Variants in DLG4 observed in about 807,000 individuals in gnomAD.
DLG4 encodes disks large homolog 4.
DLG4 carries 7 observed loss-of-function variants against 93.8 expected under a neutral mutation model. The ratio of observed to expected loss-of-function variants is 0.07; its 90% confidence interval spans 0.04 to 0.14. The LOEUF (loss-of-function observed/expected upper bound fraction) is 0.14. Among genes scored for constraint, DLG4 ranks in the 10% least tolerant of loss-of-function variants. The pLI is 1.00. For synonymous variants in DLG4, 341 were observed against 387.6 expected (o/e 0.88, Z 1.41); for missense variants, 545 against 992.9 (o/e 0.55, Z 6.06).
At position 7,190,461 on chromosome 17, in the gene DLG4, G is replaced by C; in HGVS notation, c.*247C>G. 1 of 519,536 alleles carries C rather than the reference G, an allele frequency of 1.9e-6. No homozygotes were observed. The highest frequency in any genetic ancestry group is 3.5e-6 in the Non-Finnish European group (1 of 287,394). 32.2% of individuals were successfully genotyped at this position (519,536 alleles called of 1,614,324 possible). A position where few individuals can be genotyped will look rare whatever the true frequency, so the allele number is the denominator to read the frequency against. On this transcript the variant is annotated 3_prime_UTR_variant, in exon 20 of 20. Transcript: ENST00000399506. Reference sequence around the variant, plus strand: ...GGGGCGGGGATCCTAAGGAGCAAGGGCTCGGAACAAGGAGCCCAGCTCCCC... The same window carrying C: ...GGGGCGGGGATCCTAAGGAGCAAGGCCTCGGAACAAGGAGCCCAGCTCCCC...
At position 7,190,547 on chromosome 17, in the gene DLG4, A is replaced by C. The variant is rs931419284; in HGVS notation, c.*161T>G. On this transcript the variant is annotated 3_prime_UTR_variant, in exon 20 of 20. Transcript: ENST00000399506. ...TTCTGGGGTGCGGGGATACATGCAGAGGAGTGTCCCCCCTCCAACAGGCTG... is the reference window on the plus strand; with the variant it reads ...TTCTGGGGTGCGGGGATACATGCAGCGGAGTGTCCCCCCTCCAACAGGCTG... The C allele has an allele frequency of 1.3e-5, 8 of 637,884 alleles. No homozygotes were observed. Among genetic ancestry groups the C allele is most frequent in the Admixed American group, 2.4e-5 (1 of 41,202 alleles). 39.5% of individuals were successfully genotyped at this position (637,884 alleles called of 1,614,324 possible). A position where few individuals can be genotyped will look rare whatever the true frequency, so the allele number is the denominator to read the frequency against.
At chr17:7,218,055 G>A (rs1295127465), upstream of DLG4, among the ~76,000 whole-genome samples, 1 of 151,796 alleles carries the variant, frequency 6.6e-6, no homozygotes, top group Non-Finnish European at 1.5e-5. Flanking sequence ...AGAAAACGAG[G>A]AAGAAAGGGA....
In DLG4 at chr17:7,190,963, C is replaced by CTTTTTTTTTTTTTTTTTTTTT. The variant is rs35868661; in HGVS notation, c.2069-170_2069-150dup. 2.6e-5 allele frequency: 9 copies of CTTTTTTTTTTTTTTTTTTTTT among 348,580 alleles called. 1 individual carries two copies. The African/African-American group carries it at 2.6e-4, about 10-fold the overall frequency. The allele number at this position is 348,580 out of a possible 1,614,324, so 21.6% of individuals were successfully genotyped here. A position where few individuals can be genotyped will look rare whatever the true frequency, so the allele number is the denominator to read the frequency against. Reference sequence around the variant, plus strand: ...GCTGCACCCGCCCACAGGGGCACCTCTTTTTTTTTTTTTTTTTTTTTTTTG... The same window carrying CTTTTTTTTTTTTTTTTTTTTT: ...GCTGCACCCGCCCACAGGGGCACCTCTTTTTTTTTTTTTTTTTTTTTTTTTTTTTTTTTTTTTTTTTTTTTG... On this transcript the variant is annotated intron_variant, in intron 19 of 19. Transcript: ENST00000399506.
intron 8 of DLG4, among the ~76,000 whole-genome samples, chr17:7,201,408 T>C (rs941001662): frequency 6.6e-6 from 1 of 151,376 alleles, no homozygotes. Flanking sequence ...GGGGGAGGAG[T>C]ACCATTGTCA....
chr17:7,192,026 AG>A (rs2069527129), intron 17 of DLG4, 24 bp from the exon 18 acceptor site: 1 of 1,009,510 alleles, frequency 9.9e-7, no homozygotes, highest in South Asian at 2.1e-5. Flanking sequence ...GGGTGGGCGG[AG>A]GGGGGCCAGC....
At position 7,192,906 on chromosome 17, in the gene DLG4, G is replaced by A. The variant is rs746362720; in HGVS notation, c.1866+39C>T. 5 of 1,558,548 alleles carry A rather than the reference G, an allele frequency of 3.2e-6. No individual in the cohort carries two copies. The African/African-American group carries it at 5.4e-5, about 17-fold the overall frequency. On this transcript the variant is annotated intron_variant, in intron 17 of 19. Transcript: ENST00000399506. Reference sequence around the variant, plus strand: ...GGAGGGAGGCAGTGGGGTGGGGAGAGGGGAGAAGGAAGAGGACCGGGTGCC... The same window carrying A: ...GGAGGGAGGCAGTGGGGTGGGGAGAAGGGAGAAGGAAGAGGACCGGGTGCC...
At chr17:7,190,883 A>C in intron 19 of DLG4, 69 bp from the exon 20 acceptor site, 1 of 1,322,938 alleles carries the variant, frequency 7.6e-7, no homozygotes, top group Non-Finnish European at 1.1e-6. Context: ...AGGGGGTTGC[A>C]CCAGCCCAGA....
In DLG4 at chr17:7,187,313, G is replaced by T. The variant is rs1017376153; in HGVS notation, c.*3395C>A. Among the ~76,000 whole-genome samples, 1 of 122,348 alleles carries T rather than the reference G, an allele frequency of 8.2e-6. No individual in the cohort carries two copies. Among genetic ancestry groups the T allele is most frequent in the African/African-American group, 2.6e-5 (1 of 38,556 alleles). The allele number at this position is 122,348 out of a possible 152,430, so 80.3% of individuals were successfully genotyped here. On this transcript the variant is annotated 3_prime_UTR_variant, in exon 20 of 20. Coordinates refer to ENST00000399506, the MANE Select transcript of DLG4 (RefSeq NM_001321075.3). Reference sequence around the variant, plus strand: ...CTAGCACTTTGGGAGGCCGAGGGGGGGGGGGGTGGATCACCCGAGGTCAGG... The same window carrying T: ...CTAGCACTTTGGGAGGCCGAGGGGGTGGGGGGTGGATCACCCGAGGTCAGG...
rs1053538439 is a variant in DLG4 at position 7,195,519 on chromosome 17, G to T, written c.1301+701C>A. ...CAGCAGGATGATGAGCTCAGCGTGGGACATGTTGAGTGTGGGACGCCTGTG... is the reference window on the plus strand; with the variant it reads ...CAGCAGGATGATGAGCTCAGCGTGGTACATGTTGAGTGTGGGACGCCTGTG... On this transcript the variant is annotated intron_variant, in intron 11 of 19. Transcript: ENST00000399506. This position sits in a 1 kb window ranked among gnomAD's most constrained non-coding sequence, Gnocchi z 4.3. 6.6e-6 allele frequency among the ~76,000 whole-genome samples: 1 copy of T among 152,204 alleles called. No individual in the cohort carries two copies. Among genetic ancestry groups the T allele is most frequent in the African/African-American group, 2.4e-5 (1 of 41,436 alleles).
rs891993350 is a variant in DLG4 at position 7,188,350 on chromosome 17, C to G, written c.*2358G>C. The stretch of plus-strand genomic sequence containing the variant: ...CTGGGTTGGTCTTTTGCATGAAACT[C>G]TCAACTTTAGTCAGGAGTGGCTACA... On this transcript the variant is annotated 3_prime_UTR_variant, in exon 20 of 20. Coordinates refer to ENST00000399506, the MANE Select transcript of DLG4 (RefSeq NM_001321075.3). Among the ~76,000 whole-genome samples the G allele has an allele frequency of 7.2e-5, 11 of 152,276 alleles. No homozygotes were observed. The highest frequency in any genetic ancestry group is 2.6e-4 in the African/African-American group (11 of 41,548).
At chr17:7,200,958 C>T (rs1046725587) in intron 8 of DLG4, among the ~76,000 whole-genome samples, 2 of 148,684 alleles carry the variant, frequency 1.3e-5, no homozygotes, top group African/African-American at 2.5e-5. Context: ...CTCCCAGGGT[C>T]AAGGAATTCT....
chr17:7,198,355 C>T (rs111800056), intron 8 of DLG4, among the ~76,000 whole-genome samples: 3,335 of 151,822 alleles, frequency 0.022, 144 homozygotes, highest in African/African-American at 0.076. Flanking sequence ...TGCTGGCTTA[C>T]GTCTATAATC....
chr17:7,218,876 C>T, upstream of DLG4: 1 of 1,613,074 alleles, frequency 6.2e-7, no homozygotes. Flanking sequence ...TTTAATCTCC[C>T]TAATCCTCCA....
upstream of DLG4, chr17:7,219,999 G>A: frequency 6.2e-7 from 1 of 1,603,800 alleles, no homozygotes; most frequent in South Asian, 1.1e-5. Flanking sequence ...AGGCGGCTCG[G>A]ATGGCCGCGA....
upstream of DLG4, chr17:7,218,262 C>T: frequency 6.2e-7 from 1 of 1,609,836 alleles, no homozygotes; most frequent in South Asian, 1.1e-5. Flanking sequence ...AGAGGGAAGC[C>T]TCATAATAGT....
intron 8 of DLG4, among the ~76,000 whole-genome samples, chr17:7,202,444 A>C (rs529167623): frequency 6.6e-6 from 1 of 152,266 alleles, no homozygotes; most frequent in South Asian, 2.1e-4. Flanking sequence ...AACAAACCCT[A>C]TGTTATTCCC....
In DLG4 at chr17:7,193,662, C is replaced by T; in HGVS notation, c.1591+5G>A. The T allele has an allele frequency of 6.5e-7, 1 of 1,546,966 alleles. No individual in the cohort carries two copies. The highest frequency in any genetic ancestry group is 8.7e-7 in the Non-Finnish European group (1 of 1,147,536). ...GCTGGGGCCAAGGCAGGGGCCAGGG[C>T]TCACCTTCCATCTGCGTCACTGTCT... On this transcript the variant is annotated splice_donor_5th_base_variant and intron_variant, in intron 15 of 19. Coordinates refer to ENST00000399506, the MANE Select transcript of DLG4 (RefSeq NM_001321075.3). The surrounding 1 kb of genome is among the most constrained non-coding windows in gnomAD (Gnocchi z 6.7).
In DLG4 at chr17:7,216,338, T is replaced by C. The variant is rs181484027; in HGVS notation, c.30+780A>G. 4.7e-3 allele frequency among the ~76,000 whole-genome samples: 718 copies of C among 151,786 alleles called. 6 individuals carry two copies. Among genetic ancestry groups the C allele is most frequent in the African/African-American group, 0.016 (656 of 41,352 alleles). ...CCCAAATTGTGCACCACCCACCCGGTCCCCCTCCTCAAATCCCCTCTCTCC... is the reference window on the plus strand; with the variant it reads ...CCCAAATTGTGCACCACCCACCCGGCCCCCCTCCTCAAATCCCCTCTCTCC... On this transcript the variant is annotated intron_variant, in intron 1 of 19. Transcript: ENST00000399506.
In DLG4 at chr17:7,195,666, G is replaced by A. The variant is rs1428642626; in HGVS notation, c.1301+554C>T. Among the ~76,000 whole-genome samples, 2 of 152,128 alleles carry A rather than the reference G, an allele frequency of 1.3e-5. No individual in the cohort carries two copies. The highest frequency in any genetic ancestry group is 2.4e-5 in the African/African-American group (1 of 41,412). On this transcript the variant is annotated intron_variant, in intron 11 of 19. Transcript: ENST00000399506. This position sits in a 1 kb window ranked among gnomAD's most constrained non-coding sequence, Gnocchi z 4.3. ...ATCTGCAGAGCGCAGCGGCAGACGA[G>A]GCCATGCAAGCCACAGGGCCAGACA...
Sources: gnomAD v4.1 joint callset for allele counts (sites outside exome capture counted in the v4.1 genomes callset) on GRCh38, gnomAD v4.1.1 for gene constraint, Gnocchi (gnomAD v3.1) non-coding constraint, MANE v1.5 for transcripts, NCBI Gene and HGNC (gene_info 2026-07-23, HGNC 2026-07-21) for gene names.